Variants in GSN observed in about 807,000 individuals in gnomAD.
The protein encoded by GSN is gelsolin.
A neutral mutation model predicts 85.7 loss-of-function variants in GSN; 56 were observed. The observed-to-expected ratio is 0.65, with a 90% CI of 0.53 to 0.82. GSN has a LOEUF of 0.82. GSN is among the 40% of genes least tolerant of loss of function. The pLI is 0.00. For missense variants in GSN, 857 were observed against 979.8 expected (o/e 0.87, Z 1.67); for synonymous variants, 373 against 399.1 (o/e 0.93, Z 0.78).
intron 6 of GSN, among the ~76,000 whole-genome samples, chr9:121,255,295 G>A (rs1430286538): frequency 2.0e-5 from 3 of 152,156 alleles, no homozygotes; most frequent in Non-Finnish European, 4.4e-5. Flanking sequence ...CCAGTCTAGA[G>A]TGCAGTGGCA....
At chr9:121,302,823 G>T (rs773848870) in intron 3 of GSN, 88 bp from the exon 4 acceptor site, 94 of 1,321,042 alleles carry the variant, frequency 7.1e-5, no homozygotes, top group Non-Finnish European at 9.8e-5. Context: ...GGTCAGGGCA[G>T]TGCTGGGGTT....
chr9:121,266,112 G>A (rs1299804423), upstream of GSN, among the ~76,000 whole-genome samples: 21 of 152,170 alleles, frequency 1.4e-4, no homozygotes, highest in Admixed American at 1.3e-3. Flanking sequence ...CAATTACAGG[G>A]TTATGGGTAG....
At chr9:121,233,328 G>A (rs77231699) in intron 5 of GSN, among the ~76,000 whole-genome samples, 27 of 152,234 alleles carry the variant, frequency 1.8e-4, no homozygotes, top group African/African-American at 6.3e-4. Flanking sequence ...AGTCGGGCGT[G>A]GTAGCATGCA....
At chr9:121,262,670 A>C (rs1008840808) in intron 6 of GSN, among the ~76,000 whole-genome samples, 1 of 152,242 alleles carries the variant, frequency 6.6e-6, no homozygotes, top group Non-Finnish European at 1.5e-5. Flanking sequence ...TTTATTGGGC[A>C]TAATTACAGA....
Position 121,332,306 on chromosome 9 carries a change from G to A in GSN, c.2027-128G>A, listed in dbSNP as rs1378423861. 4.6e-6 allele frequency: 4 copies of A among 867,820 alleles called. No homozygotes were observed. Among genetic ancestry groups the A allele is most frequent in the Admixed American group, 1.7e-5 (1 of 57,586 alleles). The allele number at this position is 867,820 out of a possible 1,614,324, so 53.8% of individuals were successfully genotyped here. ...AGGAGGATGGTGCCCAGGGCAGGGG[G>A]TGGGCAGTAGGGACAGTAGGACCAT... is the stretch of plus-strand genomic sequence containing the variant. On this transcript the variant is annotated intron_variant, in intron 17 of 17. Transcript: ENST00000432226. The surrounding 1 kb of genome is among the most constrained non-coding windows in gnomAD (Gnocchi z 4.8).
At chr9:121,295,576 G>A (rs188447405) in intron 2 of GSN, among the ~76,000 whole-genome samples, 7 of 152,322 alleles carry the variant, frequency 4.6e-5, no homozygotes, top group Non-Finnish European at 8.8e-5. Context: ...GAAGGGGCGG[G>A]GGAGGCCACC....
At chr9:121,251,283 G>T (rs1329889327) in intron 6 of GSN, among the ~76,000 whole-genome samples, 2 of 137,056 alleles carry the variant, frequency 1.5e-5, no homozygotes, top group Admixed American at 8.3e-5. Context: ...CCGGGTTCAA[G>T]TGGTTCTCCT....
intron 5 of GSN, chr9:121,238,684 T>C (rs1360099292): frequency 2.8e-6 from 1 of 363,406 alleles, no homozygotes; most frequent in African/African-American, 2.1e-5. Context: ...CTCTTCAGCA[T>C]ATCTTTGGGG....
At chr9:121,326,309 T>C (rs1250770302) in intron 12 of GSN, among the ~76,000 whole-genome samples, 4 of 151,962 alleles carry the variant, frequency 2.6e-5, no homozygotes, top group African/African-American at 9.7e-5. Context: ...CCAGCAGCAG[T>C]GCCCTGGGGA....
chr9:121,286,858 CCT>C (rs1411056934), intron 2 of GSN: 7 of 973,434 alleles, frequency 7.2e-6, no homozygotes, highest in Non-Finnish European at 1.1e-5. Context: ...TTGGGCTGAA[CCT>C]CTCTGAGCTT....
chr9:121,256,382 A>G (rs1018884325), intron 6 of GSN, among the ~76,000 whole-genome samples: 1 of 152,198 alleles, frequency 6.6e-6, no homozygotes, highest in African/African-American at 2.4e-5. Context: ...TTGCAGCAAC[A>G]TGGGTGGAAC....
At position 121,276,286 on chromosome 9, in the gene GSN, G is replaced by A. The variant is rs1463630240; in HGVS notation, c.-102-5184G>A. 2.6e-5 allele frequency among the ~76,000 whole-genome samples: 4 copies of A among 152,240 alleles called. No individual in the cohort carries two copies. In the East Asian group the frequency reaches 5.8e-4, roughly 22 times the overall value. Reference sequence around the variant, plus strand: ...CCCTTGCACTGTTGTCAGTTGAAGGGAAGAATTCCTTGCTTTGGTAAGAAG... The same window carrying A: ...CCCTTGCACTGTTGTCAGTTGAAGGAAAGAATTCCTTGCTTTGGTAAGAAG... On this transcript the variant is annotated intron_variant, in intron 1 of 17. Transcript: ENST00000432226.
At position 121,299,940 on chromosome 9, in the gene GSN, G is replaced by A; in HGVS notation, c.-9-2023G>A. 1 of 1,260,960 alleles carries A rather than the reference G, an allele frequency of 7.9e-7. No homozygotes were observed. Among genetic ancestry groups the A allele is most frequent in the Non-Finnish European group, 1.0e-6 (1 of 1,001,494 alleles). The allele number at this position is 1,260,960 out of a possible 1,614,324, so 78.1% of individuals were successfully genotyped here. On this transcript the variant is annotated intron_variant, in intron 2 of 17. Transcript: ENST00000432226. This position sits in a 1 kb window ranked among gnomAD's most constrained non-coding sequence, Gnocchi z 4.2. ...GTGCGCGCTGTCGCTGCCCGTCCGC[G>A]CGGCCACTGCGTCGCGGGGGGCGTC...
At chr9:121,278,307 AATG>A (rs1258038610) in intron 1 of GSN, among the ~76,000 whole-genome samples, 1 of 152,174 alleles carries the variant, frequency 6.6e-6, no homozygotes, top group Non-Finnish European at 1.5e-5. Context: ...GTGCACAGAA[AATG>A]ATAACTATTG....
chr9:121,270,470 C>T (rs940469105), intron 1 of GSN, among the ~76,000 whole-genome samples: 4 of 152,166 alleles, frequency 2.6e-5, no homozygotes, highest in Non-Finnish European at 4.4e-5. Flanking sequence ...TGGGATGGGT[C>T]AGAGCAGCAG....
At chr9:121,239,151 A>G (rs999413188) in intron 5 of GSN, 5 of 342,662 alleles carry the variant, frequency 1.5e-5, no homozygotes, top group Non-Finnish European at 2.3e-5. Flanking sequence ...CTAAGTCTGT[A>G]TAAGTGTAAC....
Position 121,321,389 on chromosome 9 carries a change from T to A in GSN, c.1313T>A (p.Ile438Lys). 6.2e-7 allele frequency: 1 copy of A among 1,614,086 alleles called. No individual in the cohort carries two copies. Among genetic ancestry groups the A allele is most frequent in the Non-Finnish European group, 8.5e-7 (1 of 1,179,978 alleles). The change falls in exon 11 of 18, where the codon ATA becomes AAA. Residue 438 changes from isoleucine (I) to lysine (K), a missense_variant. Ile to Lys is a moderately radical substitution (Grantham distance 102, BLOSUM62 -3). Transcript: ENST00000432226. ...CGCCATGGTGGCCGCCAGGGGCAGA[T>A]AATCTATAACTGGTGAGGTTCTGGG... Reference protein sequence around the residue: ...NYRHGGRQGQIIYNWQGAQST... With the variant: ...NYRHGGRQGQKIYNWQGAQST...
Position 121,299,946 on chromosome 9 carries a change from A to C in GSN, c.-9-2017A>C. ...GCTGTCGCTGCCCGTCCGCGCGGCC[A>C]CTGCGTCGCGGGGGGCGTCCCAGGC... is the stretch of plus-strand genomic sequence containing the variant. On this transcript the variant is annotated intron_variant, in intron 2 of 17. Transcript: ENST00000432226. The surrounding 1 kb of genome is among the most constrained non-coding windows in gnomAD (Gnocchi z 4.2). The C allele has an allele frequency of 6.3e-6, 8 of 1,264,548 alleles. No individual in the cohort carries two copies. The highest frequency in any genetic ancestry group is 8.0e-6 in the Non-Finnish European group (8 of 1,003,654). The allele number at this position is 1,264,548 out of a possible 1,614,324, so 78.3% of individuals were successfully genotyped here.
intron 2 of GSN, 32 bp downstream of exon 2, chr9:121,281,594 T>A (rs1422550965): frequency 6.4e-6 from 3 of 471,162 alleles, no homozygotes; most frequent in Non-Finnish European, 1.3e-5. Context: ...CCTGTCGTCC[T>A]CTTAAACCCC....
Sources: allele counts gnomAD v4.1 joint callset (sites outside exome capture counted in the v4.1 genomes callset), GRCh38; gene constraint gnomAD v4.1.1; non-coding constraint Gnocchi (gnomAD v3.1); transcripts MANE v1.5; gene names NCBI Gene and HGNC (gene_info 2026-07-23, HGNC 2026-07-21).